Variants in RASGRF2 observed in about 807,000 individuals in gnomAD.
RASGRF2 encodes the protein ras-specific guanine nucleotide-releasing factor 2.
Under a neutral mutation model 151.0 loss-of-function variants are expected in RASGRF2, and 76 were observed. The observed-to-expected ratio is 0.50, with a 90% CI of 0.42 to 0.61. The LOEUF is 0.61. RASGRF2 is among the 20% of genes least tolerant of loss of function. The pLI, the probability that RASGRF2 is intolerant of heterozygous loss-of-function variation, is 0.00. For missense variants in RASGRF2, 1,148 were observed against 1,564.6 expected, an observed-to-expected ratio of 0.73 and a Z score of 4.49; for synonymous variants, 504 against 566.5, an observed-to-expected ratio of 0.89 and a Z score of 1.57.
intron 17 of RASGRF2, among the ~76,000 whole-genome samples, chr5:81,144,558 C>T (rs1753960033): frequency 6.6e-6 from 1 of 152,072 alleles, no homozygotes; most frequent in African/African-American, 2.4e-5. Flanking sequence ...GGTGAAGCTC[C>T]CAAAGCTTCA....
At chr5:81,225,312 A>T (rs1331497188) in intron 26 of RASGRF2, among the ~76,000 whole-genome samples, 1 of 152,224 alleles carries the variant, frequency 6.6e-6, no homozygotes, top group East Asian at 1.9e-4. Context: ...GCTCTCTCCA[A>T]CCTATCATTA....
rs575484375 is a variant in RASGRF2, at chr5:80,976,800, A to G, written c.288+15774A>G. 3.3e-5 allele frequency among the ~76,000 whole-genome samples: 5 copies of G among 152,242 alleles called. No homozygotes were observed. In the East Asian group the frequency reaches 9.7e-4, roughly 29 times the overall value. ...CCGTGAGGACATTTCTTACATTTTA[A>G]GGTGGGTCCACATCCTCTGTGCCTT... is the stretch of plus-strand genomic sequence containing the variant. On this transcript the variant is annotated intron_variant, in intron 1 of 26. Transcript: ENST00000265080.
intron 17 of RASGRF2, among the ~76,000 whole-genome samples, chr5:81,164,005 T>C (rs998460320): frequency 6.6e-6 from 1 of 152,234 alleles, no homozygotes; most frequent in Non-Finnish European, 1.5e-5. Context: ...ATTAGCATTG[T>C]ATTGTTACTA....
chr5:81,031,347 A>G (rs12513975), intron 1 of RASGRF2, among the ~76,000 whole-genome samples: 18,601 of 152,238 alleles, frequency 0.12, 1,293 homozygotes, highest in Non-Finnish European at 0.16. Context: ...CAGAATATAC[A>G]TTCTTCTCAG....
At chr5:81,139,401 CTTTCTT>C (rs1349493266) in intron 17 of RASGRF2, among the ~76,000 whole-genome samples, 4,528 of 137,166 alleles carry the variant, frequency 0.033, 202 homozygotes, top group African/African-American at 0.11. Flanking sequence ...TTCTTTCTTT[CTTTCTT>C]TTTTTTTTTT....
At chr5:81,222,825 G>A (rs1242966370) in intron 26 of RASGRF2, among the ~76,000 whole-genome samples, 1 of 151,952 alleles carries the variant, frequency 6.6e-6, no homozygotes, top group East Asian at 1.9e-4. Context: ...AAAGCAAAAG[G>A]TATAAAAATT....
chr5:80,968,062 G>C (rs996738953), intron 1 of RASGRF2, among the ~76,000 whole-genome samples: 1 of 152,256 alleles, frequency 6.6e-6, no homozygotes, highest in Non-Finnish European at 1.5e-5. Context: ...GATCCGGATA[G>C]TACCTGCTCC....
intron 1 of RASGRF2, among the ~76,000 whole-genome samples, chr5:81,038,768 G>A (rs1425139745): frequency 6.6e-6 from 1 of 151,736 alleles, no homozygotes; most frequent in African/African-American, 2.4e-5. Flanking sequence ...TAGAGATGGG[G>A]CTTTGCCATG....
chr5:81,228,254 G>A lies in RASGRF2; in HGVS notation c.*2484G>A, dbSNP rs990674453. The A allele has an allele frequency of 5.9e-5, 9 of 152,204 alleles. No homozygotes were observed. The highest frequency in any genetic ancestry group is 2.6e-4 in the Admixed American group (4 of 15,276). 9.4% of individuals were successfully genotyped at this position (152,204 alleles called of 1,614,324 possible). On this transcript the variant is annotated 3_prime_UTR_variant, in exon 27 of 27. Coordinates refer to ENST00000265080, the MANE Select transcript of RASGRF2 (RefSeq NM_006909.3). ...TGTTTGAGAATTACACCACTTTCTG[G>A]AGTCTGCAGCCTTCCTGGAGCTGCA...
intron 1 of RASGRF2, among the ~76,000 whole-genome samples, chr5:80,961,810 C>T (rs1747568212): frequency 6.6e-6 from 1 of 152,064 alleles, no homozygotes; most frequent in East Asian, 1.9e-4. Flanking sequence ...GGAGAAAAAC[C>T]CTTTAAGTCT....
At position 81,029,332 on chromosome 5, in the gene RASGRF2, G is replaced by C. The variant is rs558121387; in HGVS notation, c.289-13545G>C. Reference sequence around the variant, plus strand: ...TCCCAGCACACAGGTTGAGATCTGAGACAGACAGACTGCCTCCTCAAGTGG... The same window carrying C: ...TCCCAGCACACAGGTTGAGATCTGACACAGACAGACTGCCTCCTCAAGTGG... On this transcript the variant is annotated intron_variant, in intron 1 of 26. Coordinates refer to ENST00000265080, the MANE Select transcript of RASGRF2 (RefSeq NM_006909.3). Among the ~76,000 whole-genome samples the C allele has an allele frequency of 2.0e-5, 3 of 152,330 alleles. No homozygotes were observed. The East Asian group carries it at 5.8e-4, about 29-fold the overall frequency.
chr5:81,226,951 C>G lies in RASGRF2; in HGVS notation c.*1181C>G, dbSNP rs1561269352. On this transcript the variant is annotated 3_prime_UTR_variant, in exon 27 of 27. Coordinates refer to ENST00000265080, the MANE Select transcript of RASGRF2 (RefSeq NM_006909.3). ...CAAATGCAAGGGTTAGTCCTGCTAC[C>G]TGAGGCTGGGGAAGTGACCTTCCTT... The G allele has an allele frequency of 6.6e-6, 1 of 152,192 alleles. No individual in the cohort carries two copies. Among genetic ancestry groups the G allele is most frequent in the Admixed American group, 6.5e-5 (1 of 15,276 alleles). The allele number at this position is 152,192 out of a possible 1,614,324, so 9.4% of individuals were successfully genotyped here.
At chr5:81,142,699 T>G (rs909197223) in intron 17 of RASGRF2, among the ~76,000 whole-genome samples, 8 of 152,220 alleles carry the variant, frequency 5.3e-5, no homozygotes, top group African/African-American at 1.9e-4. Context: ...GCTATGTGCT[T>G]TGCAGCACCC....
chr5:80,991,806 C>T lies in RASGRF2; in HGVS notation c.288+30780C>T, dbSNP rs77630931. 8.1e-3 allele frequency among the ~76,000 whole-genome samples: 1,232 copies of T among 152,238 alleles called. 4 individuals are homozygous for T. Among genetic ancestry groups the T allele is most frequent in the Non-Finnish European group, 0.013 (904 of 68,014 alleles). ...TTGTACAGAAATGCTTTTTTGAGCA[C>T]CTGTAGCTTACGTAAACCCTTTGCC... On this transcript the variant is annotated intron_variant, in intron 1 of 26. Coordinates refer to ENST00000265080, the MANE Select transcript of RASGRF2 (RefSeq NM_006909.3).
chr5:81,143,334 G>T lies in RASGRF2; in HGVS notation c.2686+16171G>T, dbSNP rs528160818. 1.1e-3 allele frequency among the ~76,000 whole-genome samples: 169 copies of T among 151,784 alleles called. 1 individual carries two copies. Among genetic ancestry groups the T allele is most frequent in the African/African-American group, 4.0e-3 (167 of 41,408 alleles). On this transcript the variant is annotated intron_variant, in intron 17 of 26. Transcript: ENST00000265080. ...GGCTAATTTTTATATTTTTAGTAGA[G>T]ATGGGGTTACACCATGTTGGCCAGG...
chr5:81,081,467 C>T (rs1006383881), intron 7 of RASGRF2, among the ~76,000 whole-genome samples: 2 of 152,144 alleles, frequency 1.3e-5, no homozygotes, highest in African/African-American at 2.4e-5. Context: ...TACCGTTAAG[C>T]GCCCAGAAGT....
At chr5:81,003,537 T>C (rs1299057533) in intron 1 of RASGRF2, among the ~76,000 whole-genome samples, 4 of 152,148 alleles carry the variant, frequency 2.6e-5, no homozygotes, top group Admixed American at 6.5e-5. Context: ...AATTTTTGTA[T>C]TTTTAGTAGA....
intron 17 of RASGRF2, among the ~76,000 whole-genome samples, chr5:81,144,473 C>G (rs1036783583): frequency 6.6e-6 from 1 of 152,170 alleles, no homozygotes; most frequent in African/African-American, 2.4e-5. Context: ...AGACATAAGG[C>G]GATAACTTGA....
chr5:80,980,359 G>T (rs1748258713), intron 1 of RASGRF2, among the ~76,000 whole-genome samples: 1 of 152,156 alleles, frequency 6.6e-6, no homozygotes, highest in South Asian at 2.1e-4. Context: ...AAGAATACTG[G>T]CTGGGTGCAG....
Sources: allele counts gnomAD v4.1 joint callset (sites outside exome capture counted in the v4.1 genomes callset), GRCh38; gene constraint gnomAD v4.1.1; transcripts MANE v1.5; gene names NCBI Gene and HGNC (gene_info 2026-07-23, HGNC 2026-07-21).